SGCD: variants seen among roughly 807,000 people sequenced by gnomAD.
SGCD encodes the protein sarcoglycan delta.
In SGCD, 18 loss-of-function variants were observed where a neutral mutation model predicts 36.6. The observed-to-expected ratio is 0.49, with a 90% CI of 0.34 to 0.73. The LOEUF (loss-of-function observed/expected upper bound fraction) is 0.73. Ranked by LOEUF, SGCD falls within the 30% of genes least tolerant of loss-of-function variation. The pLI is 0.01. For missense variants in SGCD, 387 were observed against 346.7 expected (o/e 1.12, Z -0.92); for synonymous variants, 133 against 130.6 (o/e 1.02, Z -0.12).
chr5:156,069,057 C>G (rs1760442614), intron 1 of SGCD, among the ~76,000 whole-genome samples: 1 of 152,074 alleles, frequency 6.6e-6, no homozygotes, highest in Admixed American at 6.6e-5. Context: ...CAAAAATTTT[C>G]TCCCATTCTG....
At chr5:155,916,410 T>C (rs928873534) in intron 1 of SGCD, among the ~76,000 whole-genome samples, 2 of 152,208 alleles carry the variant, frequency 1.3e-5, no homozygotes, top group African/African-American at 4.8e-5. Flanking sequence ...TTTAAAAGTT[T>C]GACATGAGGT....
chr5:156,245,421 T>C (rs982828518), intron 3 of SGCD, among the ~76,000 whole-genome samples: 3 of 152,120 alleles, frequency 2.0e-5, no homozygotes, highest in African/African-American at 7.2e-5. Context: ...GTTGAGATAA[T>C]AGAACCAGGC....
intron 3 of SGCD, among the ~76,000 whole-genome samples, chr5:156,356,648 G>A (rs1769505711): frequency 6.6e-6 from 1 of 152,164 alleles, no homozygotes; most frequent in South Asian, 2.1e-4. Context: ...CGTGGGATGG[G>A]AGATTGTAAT....
chr5:155,769,437 C>CAAA, the SGCD span, among the ~76,000 whole-genome samples: 33 of 133,314 alleles, frequency 2.5e-4, no homozygotes, highest in African/African-American at 8.7e-4. Context: ...TAGAAATGAC[C>CAAA]AAAAAAAAAA....
At chr5:156,612,940 A>G (rs920885386) in intron 6 of SGCD, among the ~76,000 whole-genome samples, 6 of 152,126 alleles carry the variant, frequency 3.9e-5, no homozygotes, top group African/African-American at 1.2e-4. Context: ...GGCAGCAAGG[A>G]CTATAGGTGT....
upstream of SGCD, among the ~76,000 whole-genome samples, chr5:156,321,825 A>G (rs914288067): frequency 1.6e-4 from 25 of 152,140 alleles, no homozygotes; most frequent in African/African-American, 6.0e-4. Flanking sequence ...TCTTGATTAC[A>G]TTTCAACTGT....
chr5:155,899,665 AC>A (rs1329640792), intron 1 of SGCD, among the ~76,000 whole-genome samples: 2 of 151,888 alleles, frequency 1.3e-5, no homozygotes, highest in Non-Finnish European at 2.9e-5. Context: ...TGTTTAGACC[AC>A]CCCCCACCCC....
At chr5:156,501,431 C>T (rs1756447694) in intron 3 of SGCD, among the ~76,000 whole-genome samples, 1 of 152,204 alleles carries the variant, frequency 6.6e-6, no homozygotes, top group African/African-American at 2.4e-5. Flanking sequence ...GTGGAAAGAA[C>T]CAATATTTCA....
chr5:156,218,485 A>G (rs1764633136), intron 3 of SGCD, among the ~76,000 whole-genome samples: 1 of 152,198 alleles, frequency 6.6e-6, no homozygotes, highest in African/African-American at 2.4e-5. Flanking sequence ...TTTGAGGCTG[A>G]AATTGAACCT....
chr5:156,562,391 T>G (rs1432782018), intron 4 of SGCD, among the ~76,000 whole-genome samples: 2 of 152,232 alleles, frequency 1.3e-5, no homozygotes, highest in Admixed American at 1.3e-4. Context: ...GGGTATTTCC[T>G]GGAAGACATA....
chr5:155,921,966 C>T (rs2113376061), intron 1 of SGCD, among the ~76,000 whole-genome samples: 1 of 152,334 alleles, frequency 6.6e-6, no homozygotes, highest in South Asian at 2.1e-4. Context: ...GAGACACGTA[C>T]TCTGGAAAGG....
the SGCD span, among the ~76,000 whole-genome samples, chr5:155,743,564 C>A: frequency 3.3e-5 from 5 of 152,144 alleles, no homozygotes; most frequent in African/African-American, 1.2e-4. Context: ...TGAAATCTTA[C>A]AACAATAAAT....
intron 3 of SGCD, among the ~76,000 whole-genome samples, chr5:156,293,076 T>A (rs1233695541): frequency 6.6e-6 from 1 of 152,020 alleles, no homozygotes; most frequent in Non-Finnish European, 1.5e-5. Flanking sequence ...TGTTTTTTTT[T>A]AGAGGTGGGG....
chr5:155,935,311 A>G (rs1026821217), intron 1 of SGCD, among the ~76,000 whole-genome samples: 3 of 152,132 alleles, frequency 2.0e-5, no homozygotes, highest in Non-Finnish European at 4.4e-5. Flanking sequence ...GAATTCATTT[A>G]TTCAAAACGT....
chr5:156,743,885 CTTATATAA>C (rs1382888143), intron 7 of SGCD, among the ~76,000 whole-genome samples: 1 of 152,192 alleles, frequency 6.6e-6, no homozygotes, highest in Non-Finnish European at 1.5e-5. Flanking sequence ...AAAAGTAGAA[CTTATATAA>C]TTAGAGAAGA....
chr5:156,577,016 G>A (rs1197538394), intron 4 of SGCD, among the ~76,000 whole-genome samples: 1 of 152,218 alleles, frequency 6.6e-6, no homozygotes, highest in Admixed American at 6.5e-5. Flanking sequence ...GAATCGTATT[G>A]CCTAGGTTTT....
At chr5:156,726,565 T>C (rs963026242) in intron 7 of SGCD, among the ~76,000 whole-genome samples, 1 of 152,170 alleles carries the variant, frequency 6.6e-6, no homozygotes, top group East Asian at 1.9e-4. Flanking sequence ...CCAACAAGGT[T>C]CTAATGGCCT....
intron 1 of SGCD, among the ~76,000 whole-genome samples, chr5:155,907,240 A>T (rs1392301514): frequency 2.6e-5 from 4 of 152,008 alleles, no homozygotes; most frequent in Admixed American, 6.6e-5. Context: ...TAAAAAAAAA[A>T]ATTCCTGGTC....
intron 3 of SGCD, among the ~76,000 whole-genome samples, chr5:156,243,020 G>T (rs1033036078): frequency 1.3e-5 from 2 of 152,196 alleles, no homozygotes; most frequent in Non-Finnish European, 2.9e-5. Flanking sequence ...GGGGTGACTG[G>T]CCACGTCTGA....
Sources: gnomAD v4.1 joint callset for allele counts (sites outside exome capture counted in the v4.1 genomes callset) on GRCh38, gnomAD v4.1.1 for gene constraint, MANE v1.5 for transcripts, NCBI Gene and HGNC (gene_info 2026-07-23, HGNC 2026-07-21) for gene names.